The following GFUS variants were observed in gnomAD, a reference collection of about 807,000 sequenced individuals.
GFUS encodes GDP-L-fucose synthase.
GFUS carries 42 observed loss-of-function variants against 41.5 expected under a neutral mutation model. That is an observed-to-expected ratio of 1.01 (90% confidence interval 0.79 to 1.31). The LOEUF is 1.31. GFUS is among the 50% of genes most tolerant of loss of function. The pLI is 0.00. For missense variants in GFUS, 437 were observed against 428.7 expected (o/e 1.02, Z -0.17); for synonymous variants, 188 against 173.4 (o/e 1.08, Z -0.66).
chr8:143,616,906 G>A (rs1829742037), intron 1 of GFUS, 183 bp from the exon 2 acceptor site: 3 of 695,900 alleles, frequency 4.3e-6, no homozygotes, highest in African/African-American at 1.8e-5. Context: ...GGAGCTCTCA[G>A]CCTACAGCGC....
chr8:143,616,802 C>T, intron 1 of GFUS, 79 bp from the exon 2 acceptor site: 2 of 1,555,964 alleles, frequency 1.3e-6, no homozygotes, highest in Non-Finnish European at 1.8e-6. Flanking sequence ...GCAACTGGCA[C>T]AGAGTGAGGC....
Position 143,616,206 on chromosome 8 carries a change from GT to G in GFUS, c.160del (p.Thr54ProfsTer40), listed in dbSNP as rs1434832161. On this transcript the variant is annotated frameshift_variant, in exon 3 of 11. Coordinates refer to ENST00000425753, the MANE Select transcript of GFUS (RefSeq NM_003313.4). LOFTEE classifies it high-confidence loss of function. Reference protein sequence around the residue: ...KDADLTDTAQTRALFEKVQPT... With the variant: ...KDADLTDTAQXRALFEKVQPT... ...TTGGACCTTCTCAAACAGGGCGCGG[GT>G]CTGTGCTGTATCCCTGTAGGAAGCC... is the stretch of plus-strand genomic sequence containing the variant. 6.2e-7 allele frequency: 1 copy of G among 1,613,914 alleles called. No homozygotes were observed. Among genetic ancestry groups the G allele is most frequent in the Non-Finnish European group, 8.5e-7 (1 of 1,179,998 alleles).
Position 143,613,236 on chromosome 8 carries a change from C to T in GFUS, c.870G>A (p.Arg290=), listed in dbSNP as rs2131411075. ...FKKTASNSKL[R]TYLPDFRFTP... The stretch of plus-strand genomic sequence containing the variant: ...TGAACCGGAAGTCGGGCAGGTAGGT[C>T]CTCAGCTTGCTGTTACTGGCTGTCT... Residue 290 remains arginine (R), a synonymous_variant, in exon 10 of 11, where the codon AGG becomes AGA. Transcript: ENST00000425753. The T allele has an allele frequency of 5.0e-6, 8 of 1,614,076 alleles. No homozygotes were observed. The highest frequency in any genetic ancestry group is 6.8e-6 in the Non-Finnish European group (8 of 1,179,982).
rs751335032 is a variant in GFUS, at chr8:143,614,634, C to G, written c.454G>C (p.Val152Leu). 69 of 1,596,064 alleles carry G rather than the reference C, an allele frequency of 4.3e-5. No homozygotes were observed. Among genetic ancestry groups the G allele is most frequent in the Non-Finnish European group, 5.7e-5 (67 of 1,167,492 alleles). ...GATGGGCGCGAGGACCTGTTCTGCA[C>G]GTCGATCATCCTCTTGGCATACGAG... The part of the protein sequence containing the change: ...GYSYAKRMID[V>L]QNRAYFQQYG... Residue 152 changes from valine (V) to leucine (L), a missense_variant, in exon 5 of 11, where the codon GTG becomes CTG. Coordinates refer to ENST00000425753, the MANE Select transcript of GFUS (RefSeq NM_003313.4).
At chr8:143,613,055 T>C in intron 10 of GFUS, 90 bp from the exon 11 acceptor site, 1 of 1,572,356 alleles carries the variant, frequency 6.4e-7, no homozygotes, top group African/African-American at 1.3e-5. Context: ...GACAGGGAAG[T>C]CACCCCTCAG....
Position 143,616,176 on chromosome 8 carries a change from G to A in GFUS, c.191C>T (p.Thr64Ile), listed in dbSNP as rs1829719996. 6.2e-7 allele frequency: 1 copy of A among 1,613,864 alleles called. No individual in the cohort carries two copies. The highest frequency in any genetic ancestry group is 1.3e-5 in the African/African-American group (1 of 75,060). ...CATTGCAGCAAGATGGATGACGTGT[G>A]TGGGTTGGACCTTCTCAAACAGGGC... is the stretch of plus-strand genomic sequence containing the variant. ...TRALFEKVQPTHVIHLAAMVG... is the reference protein window; with the variant it reads ...TRALFEKVQPIHVIHLAAMVG... The change falls in exon 3 of 11, where the codon ACA becomes ATA. Residue 64 changes from threonine (T) to isoleucine (I), a missense_variant. Coordinates refer to ENST00000425753, the MANE Select transcript of GFUS (RefSeq NM_003313.4).
rs745738142 is a variant in GFUS, at chr8:143,616,181, T to A, written c.186A>T (p.Gln62His). The A allele has an allele frequency of 1.2e-6, 2 of 1,613,710 alleles. No individual in the cohort carries two copies. Among genetic ancestry groups the A allele is most frequent in the Non-Finnish European group, 8.5e-7 (1 of 1,179,910 alleles). Residue 62 changes from glutamine to histidine, a missense_variant, in exon 3 of 11, where the codon CAA (glutamine) becomes CAT (histidine). Transcript: ENST00000425753. ...AQTRALFEKVQPTHVIHLAAM... is the reference protein window; with the variant it reads ...AQTRALFEKVHPTHVIHLAAM... Reference sequence around the variant, plus strand: ...CAGCAAGATGGATGACGTGTGTGGGTTGGACCTTCTCAAACAGGGCGCGGG... The same window carrying A: ...CAGCAAGATGGATGACGTGTGTGGGATGGACCTTCTCAAACAGGGCGCGGG...
In GFUS at chr8:143,614,173, T is replaced by C. The variant is rs920337338; in HGVS notation, c.654A>G (p.Ile218Met). 6.2e-7 allele frequency: 1 copy of C among 1,613,320 alleles called. No homozygotes were observed. Among genetic ancestry groups the C allele is most frequent in the Non-Finnish European group, 8.5e-7 (1 of 1,180,020 alleles). The change falls in exon 7 of 11, where the codon ATA becomes ATG. Residue 218 changes from isoleucine to methionine, a missense_variant. Ile to Met is a conservative substitution (Grantham distance 10). Transcript: ENST00000425753. ...WGTGNPRRQFIYSLDLAQLFI... is the reference protein window; with the variant it reads ...WGTGNPRRQFMYSLDLAQLFI... ...GCCTTCCTTTACGCACCAGCGAGTA[T>C]ATGAACTGCCTCCGCGGATTCCCTG...
Position 143,614,204 on chromosome 8 carries a change from C to T in GFUS, c.623G>A (p.Trp208Ter). The change falls in exon 7 of 11, where the codon TGG becomes TAG. Residue 208 changes from tryptophan to a stop codon, truncating the protein, a stop_gained. Coordinates refer to ENST00000425753, the MANE Select transcript of GFUS (RefSeq NM_003313.4). LOFTEE classifies it high-confidence loss of function. ...CTGCCTCCGCGGATTCCCTGTACCC[C>T]ACACCGTCAGGGCCGAGCCGCTGCC... ...AKSSGSALTV[W>*]GTGNPRRQFI... is the part of the protein sequence containing the mutation. The T allele has an allele frequency of 6.2e-7, 1 of 1,613,590 alleles. No homozygotes were observed. The highest frequency in any genetic ancestry group is 8.5e-7 in the Non-Finnish European group (1 of 1,180,016).
Position 143,612,883 on chromosome 8 carries a change from G to A in GFUS, c.*27C>T, listed in dbSNP as rs11987209. ...GCTGGGCTCTGCCAGCCGATGGTCC[G>A]CTGGCACCTGATCCTGTCTTCCAGC... is the stretch of plus-strand genomic sequence containing the variant. On this transcript the variant is annotated 3_prime_UTR_variant, in exon 11 of 11. Transcript: ENST00000425753. 17,735 of 1,595,412 alleles carry A rather than the reference G, an allele frequency of 0.011. 1,401 individuals are homozygous for A. The African/African-American group carries it at 0.19, about 17-fold the overall frequency.
chr8:143,612,960 TCAC>T lies in GFUS; in HGVS notation c.913_915del (p.Val305del), dbSNP rs1829612936. On this transcript the variant is annotated inframe_deletion and splice_region_variant, in exon 11 of 11. Transcript: ENST00000425753. ...TCAGTGAACCAAGCACAGGTCTCCT[TCAC>T]CGCTGCAGAGGCAGGCAGGTGAGGG... 6.2e-7 allele frequency: 1 copy of T among 1,610,250 alleles called. No individual in the cohort carries two copies. The highest frequency in any genetic ancestry group is 1.3e-5 in the African/African-American group (1 of 74,816).
intron 7 of GFUS, 87 bp downstream of exon 7, chr8:143,614,077 C>G: frequency 6.4e-7 from 1 of 1,558,632 alleles, no homozygotes; most frequent in Non-Finnish European, 8.7e-7. Context: ...CTCCCTCCTG[C>G]ACCACCTCCC....
intron 3 of GFUS, among the ~76,000 whole-genome samples, 189 bp from the exon 4 acceptor site, chr8:143,615,104 G>C (rs945769820): frequency 6.6e-6 from 1 of 152,130 alleles, no homozygotes; most frequent in African/African-American, 2.4e-5. Flanking sequence ...GCCCCACCAA[G>C]GCTGGAGGAG....
chr8:143,613,309 CA>C lies in GFUS; in HGVS notation c.811-15del. The C allele has an allele frequency of 6.2e-7, 1 of 1,613,160 alleles. No individual in the cohort carries two copies. Among genetic ancestry groups the C allele is most frequent in the African/African-American group, 1.3e-5 (1 of 75,030 alleles). On this transcript the variant is annotated splice_polypyrimidine_tract_variant and intron_variant, in intron 9 of 10. Coordinates refer to ENST00000425753, the MANE Select transcript of GFUS (RefSeq NM_003313.4). Reference sequence around the variant, plus strand: ...GGTTGTATCAAACTGGAGGCTTTGTCAAGGCCACAGCGAGAAGAGCACCTCC... The same window carrying C: ...GGTTGTATCAAACTGGAGGCTTTGTCAGGCCACAGCGAGAAGAGCACCTCC...
intron 3 of GFUS, among the ~76,000 whole-genome samples, chr8:143,615,690 C>T (rs775485800): frequency 3.3e-5 from 5 of 152,298 alleles, no homozygotes; most frequent in Admixed American, 2.0e-4. Flanking sequence ...GCACAGAGCG[C>T]GGTTCACACC....
intron 10 of GFUS, 53 bp downstream of exon 10, chr8:143,613,143 G>A (rs1377815610): frequency 2.5e-6 from 4 of 1,578,328 alleles, no homozygotes; most frequent in Admixed American, 1.7e-5. Flanking sequence ...GAGCATGAGG[G>A]AGGGGCTGGG....
At chr8:143,614,754 C>G (rs750200732) in intron 4 of GFUS, 33 bp downstream of exon 4, 3 of 1,613,232 alleles carry the variant, frequency 1.9e-6, no homozygotes, top group Non-Finnish European at 2.5e-6. Flanking sequence ...ACCGGCTCCC[C>G]GGCCCCACCC....
intron 10 of GFUS, 56 bp from the exon 11 acceptor site, chr8:143,613,021 G>A (rs1291321217): frequency 6.3e-7 from 1 of 1,590,596 alleles, no homozygotes; most frequent in East Asian, 2.3e-5. Context: ...CCGCATGGGA[G>A]GAAGTGGGGG....
Position 143,616,448 on chromosome 8 carries a change from G to C in GFUS, c.146+119C>G, listed in dbSNP as rs537984415. ...CCAGGCCAGGCCAGCCACCTGGCAG[G>C]AAGGACCCAGAAACACAGCTACTGT... On this transcript the variant is annotated intron_variant, in intron 2 of 10. Coordinates refer to ENST00000425753, the MANE Select transcript of GFUS (RefSeq NM_003313.4). 1.1e-5 allele frequency: 16 copies of C among 1,511,312 alleles called. No individual in the cohort carries two copies. The African/African-American group carries it at 2.2e-4, about 21-fold the overall frequency. The allele number at this position is 1,511,312 out of a possible 1,614,324, so 93.6% of individuals were successfully genotyped here.
Sources: gnomAD v4.1 joint callset for allele counts (sites outside exome capture counted in the v4.1 genomes callset) on GRCh38, gnomAD v4.1.1 for gene constraint, MANE v1.5 for transcripts, NCBI Gene and HGNC (gene_info 2026-07-23, HGNC 2026-07-21) for gene names.